Variants in MFGE8 observed in about 807,000 individuals in gnomAD.
MFGE8 encodes the protein milk fat globule EGF and factor V/VIII domain containing, also known as lactadherin.
In MFGE8, 34 loss-of-function variants were observed where a neutral mutation model predicts 42.6. The observed-to-expected ratio is 0.80, with a 90% CI of 0.61 to 1.06. The LOEUF (loss-of-function observed/expected upper bound fraction) is 1.06, where lower values mean the gene tolerates loss of function less well. Ranked by LOEUF, MFGE8 falls within the 50% of genes least tolerant of loss-of-function variation. The probability of loss-of-function intolerance (pLI) is 0.00; values close to 1 mark genes in which losing one functional copy is unlikely to be tolerated. For missense variants in MFGE8, 510 were observed against 516.9 expected (o/e 0.99, Z 0.13); for synonymous variants, 230 against 214.8 (o/e 1.07, Z -0.62).
chr15:88,910,750 A>G (rs1227524753), intron 1 of MFGE8: 1 of 153,106 alleles, frequency 6.5e-6, no homozygotes, highest in South Asian at 2.1e-4. Context: ...AGGGTGTGGT[A>G]TGTTGGAGCA....
At chr15:88,907,152 C>T (rs200463040) in intron 3 of MFGE8, 43 bp downstream of exon 3, 2 of 1,586,982 alleles carry the variant, frequency 1.3e-6, no homozygotes, top group Non-Finnish European at 8.6e-7. Flanking sequence ...ATTCATCGAG[C>T]CTTCTCTCCA....
chr15:88,899,911 C>G lies in MFGE8; in HGVS notation c.871-100G>C. ...GCATGAATTCTAGTTTTGAAAAAAA[C>G]TACTTGGGTGAGCCTCAGTTTCTTT... On this transcript the variant is annotated intron_variant, in intron 6 of 7. Transcript: ENST00000268150. The surrounding 1 kb of genome is among the most constrained non-coding windows in gnomAD (Gnocchi z 6.8). 1 of 1,409,546 alleles carries G rather than the reference C, an allele frequency of 7.1e-7. No individual in the cohort carries two copies. The highest frequency in any genetic ancestry group is 9.9e-7 in the Non-Finnish European group (1 of 1,010,814). 87.3% of individuals were successfully genotyped at this position (1,409,546 alleles called of 1,614,324 possible).
At chr15:88,908,901 C>G (rs1898824811) in intron 2 of MFGE8, among the ~76,000 whole-genome samples, 1 of 152,182 alleles carries the variant, frequency 6.6e-6, no homozygotes, top group Non-Finnish European at 1.5e-5. Context: ...AGCCCCCCGC[C>G]CCCTCCTTCT....
chr15:88,901,224 T>TAC (rs754991839), intron 6 of MFGE8, among the ~76,000 whole-genome samples: 1 of 82,084 alleles, frequency 1.2e-5, no homozygotes, highest in Non-Finnish European at 2.8e-5. Flanking sequence ...CATTCACACA[T>TAC]ACACATTCAC....
At chr15:88,912,128 G>A (rs1274114428) in intron 1 of MFGE8, 1 of 1,289,782 alleles carries the variant, frequency 7.8e-7, no homozygotes, top group South Asian at 1.2e-5. Context: ...CGTTACCTGT[G>A]TGTAAGATAG....
At chr15:88,912,283 G>C (rs768041982) in intron 1 of MFGE8, 7 of 1,287,308 alleles carry the variant, frequency 5.4e-6, no homozygotes, top group Non-Finnish European at 7.1e-6. Flanking sequence ...GTAGAAAGGG[G>C]CTAAGAAGAT....
At chr15:88,901,202 TTCACACACAC>T (rs1898388306) in intron 6 of MFGE8, among the ~76,000 whole-genome samples, 2 of 52,794 alleles carry the variant, frequency 3.8e-5, no homozygotes, top group African/African-American at 1.3e-4. Context: ...CATTCACACA[TTCACACACAC>T]ACATTCACAC....
At position 88,901,581 on chromosome 15, in the gene MFGE8, C is replaced by T. The variant is rs202157001; in HGVS notation, c.840G>A (p.Ala280=). 5 of 1,613,832 alleles carry T rather than the reference C, an allele frequency of 3.1e-6. No homozygotes were observed. The African/African-American group carries it at 4.0e-5, about 13-fold the overall frequency. Residue 280 remains alanine (A), a synonymous_variant, in exon 6 of 8, where the codon GCG becomes GCA. Transcript: ENST00000268150. ...GCCACTGATCGTTACCGTAGCTCCC[C>T]GCAACCCAGGCGTTGAAGTTGCCCT... ...DKQGNFNAWV[A]GSYGNDQWLQ...
chr15:88,912,133 A>T, intron 1 of MFGE8: 2 of 1,289,842 alleles, frequency 1.6e-6, no homozygotes, highest in Non-Finnish European at 2.0e-6. Flanking sequence ...CCTGTGTGTA[A>T]GATAGGTATG....
At chr15:88,909,027 C>T (rs78990864) in intron 2 of MFGE8, among the ~76,000 whole-genome samples, 3 of 152,198 alleles carry the variant, frequency 2.0e-5, no homozygotes, top group East Asian at 1.9e-4. Context: ...AACCTAGGAC[C>T]CCCCGCTCCA....
intron 1 of MFGE8, chr15:88,910,489 C>T (rs116255823): frequency 0.02 from 3,631 of 183,882 alleles, 156 homozygotes; most frequent in African/African-American, 0.081. Flanking sequence ...GCTAGGCCCC[C>T]GAGACAGAGA....
At chr15:88,912,107 C>CT (rs1898990549) in intron 1 of MFGE8, 1 of 1,289,548 alleles carries the variant, frequency 7.8e-7, no homozygotes, top group Non-Finnish European at 1.0e-6. Context: ...AAGGTGTACT[C>CT]TACCCAGCCA....
chr15:88,907,347 C>T lies in MFGE8; in HGVS notation c.235G>A (p.Gly79Arg), dbSNP rs372942429. ...KCVEPLGLENGNIANSQIAAS... is the reference protein window; with the variant it reads ...KCVEPLGLENRNIANSQIAAS... ...GCGATCTGTGAGTTGGCAATGTTCCCATTCTCCAGGCCCAGTGGCTCGACA... is the reference window on the plus strand; with the variant it reads ...GCGATCTGTGAGTTGGCAATGTTCCTATTCTCCAGGCCCAGTGGCTCGACA... The change falls in exon 3 of 8, where the codon GGG (glycine) becomes AGG (arginine). Residue 79 changes from glycine to arginine, a missense_variant. By Grantham distance (125) the Gly-to-Arg change is moderately radical (BLOSUM62 -2). Transcript: ENST00000268150. 6.2e-7 allele frequency: 1 copy of T among 1,614,094 alleles called. No individual in the cohort carries two copies. Among genetic ancestry groups the T allele is most frequent in the African/African-American group, 1.3e-5 (1 of 74,942 alleles).
At chr15:88,912,359 T>G in intron 1 of MFGE8, 1 of 984,902 alleles carries the variant, frequency 1.0e-6, no homozygotes. Context: ...CTTGGAGCAC[T>G]CTGGAAGCTC....
intron 1 of MFGE8, among the ~76,000 whole-genome samples, chr15:88,911,792 G>T (rs1264288758): frequency 6.6e-6 from 1 of 151,696 alleles, no homozygotes; most frequent in African/African-American, 2.4e-5. Context: ...TCTAAGGCTG[G>T]AGAGTCCTCC....
In MFGE8 at chr15:88,905,961, G is replaced by A. The variant is rs1160148548; in HGVS notation, c.541-60C>T. The A allele has an allele frequency of 6.2e-7, 1 of 1,600,700 alleles. No homozygotes were observed. The highest frequency in any genetic ancestry group is 1.1e-5 in the South Asian group (1 of 90,664). ...CCATCTGAGCAGTCCCCCTCCCTGG[G>A]GTTACCTCATCTTCCTCTTCAGACC... is the stretch of plus-strand genomic sequence containing the variant. On this transcript the variant is annotated intron_variant, in intron 4 of 7. Transcript: ENST00000268150. This position sits in a 1 kb window ranked among gnomAD's most constrained non-coding sequence, Gnocchi z 6.6.
At chr15:88,901,217 T>C (rs1293692525) in intron 6 of MFGE8, among the ~76,000 whole-genome samples, 1 of 100,628 alleles carries the variant, frequency 9.9e-6, no homozygotes, top group Non-Finnish European at 2.2e-5. Context: ...ACACACACAT[T>C]CACACATACA....
At position 88,899,884 on chromosome 15, in the gene MFGE8, A is replaced by G; in HGVS notation, c.871-73T>C. 1 of 1,574,644 alleles carries G rather than the reference A, an allele frequency of 6.4e-7. No individual in the cohort carries two copies. Among genetic ancestry groups the G allele is most frequent in the African/African-American group, 1.3e-5 (1 of 74,198 alleles). ...AAGGTGAAAAGAGGCAGACACACTG[A>G]GGCATGAATTCTAGTTTTGAAAAAA... On this transcript the variant is annotated intron_variant, in intron 6 of 7. Coordinates refer to ENST00000268150, the MANE Select transcript of MFGE8 (RefSeq NM_005928.4). The surrounding 1 kb of genome is among the most constrained non-coding windows in gnomAD (Gnocchi z 6.8).
chr15:88,901,319 TCACA>T (rs780002621), intron 6 of MFGE8, among the ~76,000 whole-genome samples: 7 of 139,186 alleles, frequency 5.0e-5, no homozygotes, highest in African/African-American at 7.9e-5. Flanking sequence ...ACACACACAT[TCACA>T]CACACACACA....
Sources: gnomAD v4.1 joint callset for allele counts (sites outside exome capture counted in the v4.1 genomes callset) on GRCh38, gnomAD v4.1.1 for gene constraint, Gnocchi (gnomAD v3.1) non-coding constraint, MANE v1.5 for transcripts, NCBI Gene and HGNC (gene_info 2026-07-23, HGNC 2026-07-21) for gene names.